The following PLCL2 variants were observed in gnomAD, a reference collection of about 807,000 sequenced individuals.
PLCL2 encodes inactive phospholipase C-like protein 2.
In PLCL2, 4 loss-of-function variants were observed where a neutral mutation model predicts 79.6. The observed-to-expected ratio is 0.05, with a 90% CI of 0.02 to 0.11. The LOEUF is 0.11. Among genes scored for constraint, PLCL2 ranks in the 10% least tolerant of loss-of-function variants. The probability of loss-of-function intolerance (pLI) is 1.00; values close to 1 mark genes in which losing one functional copy is unlikely to be tolerated. For synonymous variants in PLCL2, 484 were observed against 457.7 expected, an observed-to-expected ratio of 1.06 and a Z score of -0.73; for missense variants, 895 against 1,291.0, an observed-to-expected ratio of 0.69 and a Z score of 4.70.
chr3:17,049,296 A>C (rs2064814637), intron 4 of PLCL2, among the ~76,000 whole-genome samples: 1 of 152,224 alleles, frequency 6.6e-6, no homozygotes, highest in Non-Finnish European at 1.5e-5. Flanking sequence ...GTTTGGCTTA[A>C]AAAATGTCAA....
chr3:16,885,425 C>T (rs939597867), intron 1 of PLCL2, 59 bp downstream of exon 1: 2 of 546,744 alleles, frequency 3.7e-6, no homozygotes, highest in South Asian at 2.2e-5. Context: ...TCTATTTTCT[C>T]CCTGGGGGAG....
intron 1 of PLCL2, among the ~76,000 whole-genome samples, chr3:16,901,302 A>G (rs755401299): frequency 6.6e-6 from 1 of 152,222 alleles, no homozygotes; most frequent in Non-Finnish European, 1.5e-5. Flanking sequence ...TGTGGGGGCC[A>G]CATACTGGAG....
chr3:16,999,803 G>A (rs1575579486), intron 1 of PLCL2, among the ~76,000 whole-genome samples: 1 of 146,914 alleles, frequency 6.8e-6, no homozygotes, highest in African/African-American at 2.7e-5. Context: ...ATAAAATTGT[G>A]TTACTTATAT....
intron 1 of PLCL2, among the ~76,000 whole-genome samples, chr3:17,006,399 G>A (rs559368283): frequency 1.0e-3 from 153 of 152,220 alleles, no homozygotes; most frequent in African/African-American, 3.5e-3. Flanking sequence ...AGACCATTTC[G>A]CCAGCTTCTC....
intron 1 of PLCL2, among the ~76,000 whole-genome samples, chr3:16,981,238 T>C (rs1313583313): frequency 6.6e-6 from 1 of 152,230 alleles, no homozygotes; most frequent in Non-Finnish European, 1.5e-5. Context: ...ATCAATAATA[T>C]ATTGATCAAG....
At chr3:17,075,955 G>T (rs1167872888) in intron 5 of PLCL2, among the ~76,000 whole-genome samples, 1 of 152,086 alleles carries the variant, frequency 6.6e-6, no homozygotes, top group Non-Finnish European at 1.5e-5. Context: ...CCAATTTTTA[G>T]CTATTACAAA....
chr3:16,969,979 G>A (rs960109761), intron 1 of PLCL2, among the ~76,000 whole-genome samples: 1 of 150,994 alleles, frequency 6.6e-6, no homozygotes, highest in African/African-American at 2.4e-5. Flanking sequence ...AGCCATTCAG[G>A]AACAGTTGTT....
intron 4 of PLCL2, among the ~76,000 whole-genome samples, chr3:17,054,225 G>C (rs1219375710): frequency 6.6e-6 from 1 of 152,050 alleles, no homozygotes; most frequent in Non-Finnish European, 1.5e-5. Flanking sequence ...GTGCAGCCAG[G>C]CTCTTTGCTA....
In PLCL2 at chr3:17,016,699, C is replaced by T. The variant is rs143065800; in HGVS notation, c.3018+1788C>T. ...AATGGAAAAGTCTGAAGATCTTTTA[C>T]ATGCTATGAACCAGACTGCCTAAAT... On this transcript the variant is annotated intron_variant, in intron 3 of 5. Transcript: ENST00000615277. 5.1e-3 allele frequency among the ~76,000 whole-genome samples: 776 copies of T among 152,294 alleles called. 8 individuals carry two copies. Among genetic ancestry groups the T allele is most frequent in the African/African-American group, 0.017 (697 of 41,558 alleles).
At chr3:16,965,735 C>T (rs1438807593) in intron 1 of PLCL2, among the ~76,000 whole-genome samples, 1 of 151,996 alleles carries the variant, frequency 6.6e-6, no homozygotes, top group African/African-American at 2.4e-5. Flanking sequence ...GAGGTCCTTC[C>T]CATCCCTTGT....
intron 1 of PLCL2, among the ~76,000 whole-genome samples, chr3:16,932,038 C>T (rs529482674): frequency 2.6e-5 from 4 of 152,198 alleles, no homozygotes; most frequent in African/African-American, 9.6e-5. Flanking sequence ...TGGAGAGGGC[C>T]CTCACCAGAA....
chr3:17,047,381 A>AGCGTCATTCCTCTTCTG (rs11267261), intron 4 of PLCL2, among the ~76,000 whole-genome samples: 2 of 151,870 alleles, frequency 1.3e-5, no homozygotes, highest in Non-Finnish European at 2.9e-5. Flanking sequence ...GGAGGATGAG[A>AGCGTCATTCCTCTTCTG]GCAGGAGAAT....
intron 1 of PLCL2, among the ~76,000 whole-genome samples, chr3:16,997,532 CTT>C (rs747893839): frequency 7.6e-5 from 10 of 131,654 alleles, no homozygotes; most frequent in Non-Finnish European, 9.7e-5. Context: ...AATTTCTTTT[CTT>C]TTTTTTTTTT....
chr3:16,922,788 C>G (rs1411994059), intron 1 of PLCL2, among the ~76,000 whole-genome samples: 1 of 151,260 alleles, frequency 6.6e-6, no homozygotes, highest in Non-Finnish European at 1.5e-5. Flanking sequence ...AATATACCAC[C>G]TCAAAAGAGG....
intron 1 of PLCL2, among the ~76,000 whole-genome samples, chr3:17,002,965 C>T (rs576588941): frequency 3.3e-5 from 5 of 151,738 alleles, no homozygotes; most frequent in African/African-American, 1.2e-4. Flanking sequence ...TTATAATTCC[C>T]ATCTTTCTGT....
chr3:16,893,137 A>G (rs1226332625), intron 1 of PLCL2, among the ~76,000 whole-genome samples: 1 of 152,196 alleles, frequency 6.6e-6, no homozygotes, highest in South Asian at 2.1e-4. Context: ...AGTCCTGCCC[A>G]TCGTGCCTCA....
At chr3:16,950,123 G>A (rs539768339) in intron 1 of PLCL2, among the ~76,000 whole-genome samples, 1 of 152,236 alleles carries the variant, frequency 6.6e-6, no homozygotes, top group African/African-American at 2.4e-5. Context: ...CAACTATCTT[G>A]TATTTGTTTG....
At chr3:17,076,002 A>G (rs1231477726) in intron 5 of PLCL2, among the ~76,000 whole-genome samples, 4 of 152,210 alleles carry the variant, frequency 2.6e-5, no homozygotes, top group South Asian at 4.1e-4. Context: ...CAGTCTTTGT[A>G]TGGACATGCT....
chr3:16,959,932 C>T (rs972738404), intron 1 of PLCL2, among the ~76,000 whole-genome samples: 13 of 152,134 alleles, frequency 8.5e-5, no homozygotes, highest in African/African-American at 2.6e-4. Context: ...AGTGAAACCC[C>T]GTCTCTGCTA....
Sources: allele counts gnomAD v4.1 joint callset (sites outside exome capture counted in the v4.1 genomes callset), GRCh38; gene constraint gnomAD v4.1.1; transcripts MANE v1.5; gene names NCBI Gene and HGNC (gene_info 2026-07-23, HGNC 2026-07-21).